Variants in PKHD1 observed in about 807,000 individuals in gnomAD.
PKHD1 encodes fibrocystin.
PKHD1 carries 291 observed loss-of-function variants against 412.0 expected under a neutral mutation model. That is an observed-to-expected ratio of 0.71 (90% CI 0.64 to 0.78). The LOEUF is 0.78. PKHD1 is among the 30% of genes least tolerant of loss of function. PKHD1 has a pLI of 0.00. For missense variants in PKHD1, 4,825 were observed against 4,950.7 expected, an observed-to-expected ratio of 0.97 and a Z score of 0.76; for synonymous variants, 1,777 against 1,821.5, an observed-to-expected ratio of 0.98 and a Z score of 0.62.
intron 35 of PKHD1, among the ~76,000 whole-genome samples, chr6:51,989,462 G>A (rs918092554): frequency 6.6e-6 from 1 of 152,150 alleles, no homozygotes; most frequent in African/African-American, 2.4e-5. Context: ...ATGCATGCAG[G>A]CACACCTGCA....
chr6:51,720,927 G>A, intron 60 of PKHD1: 3 of 942,744 alleles, frequency 3.2e-6, no homozygotes, highest in Non-Finnish European at 2.5e-6. Context: ...GAAGAAATGA[G>A]TTAATAAATG....
intron 35 of PKHD1, among the ~76,000 whole-genome samples, chr6:51,964,368 T>G (rs575974349): frequency 5.9e-5 from 9 of 152,220 alleles, no homozygotes; most frequent in Non-Finnish European, 8.8e-5. Context: ...AAGAAATAAC[T>G]GTTCTGACAC....
Position 51,909,149 on chromosome 6 carries a change from A to C in PKHD1, c.6682+134T>G, listed in dbSNP as rs139894957. 1.2e-3 allele frequency: 882 copies of C among 761,264 alleles called. 5 individuals are homozygous for C. Among genetic ancestry groups the C allele is most frequent in the Middle Eastern group, 7.2e-4 (2 of 2,772 alleles). 47.2% of individuals were successfully genotyped at this position (761,264 alleles called of 1,614,324 possible). On this transcript the variant is annotated intron_variant, in intron 40 of 66. Coordinates refer to ENST00000371117, the MANE Select transcript of PKHD1 (RefSeq NM_138694.4). ...AGGCATACTGAAGTTTGGGAACCAT[A>C]GACCTAGAATATAACAATTATCCAT... is the stretch of plus-strand genomic sequence containing the variant.
At chr6:51,635,787 G>A (rs904047818) in intron 64 of PKHD1, among the ~76,000 whole-genome samples, 1 of 142,016 alleles carries the variant, frequency 7.0e-6, no homozygotes, top group African/African-American at 2.6e-5. Context: ...TTTCTGGGGG[G>A]AGAATATTCC....
chr6:51,947,561 G>A (rs1269374520), intron 36 of PKHD1, among the ~76,000 whole-genome samples: 1 of 152,090 alleles, frequency 6.6e-6, no homozygotes, highest in Non-Finnish European at 1.5e-5. Context: ...TTCTAATTAA[G>A]TAGGTTGGGT....
Position 52,052,522 on chromosome 6 carries a change from G to C in PKHD1, c.2140+554C>G, listed in dbSNP as rs111530229. On this transcript the variant is annotated intron_variant, in intron 21 of 66. Coordinates refer to ENST00000371117, the MANE Select transcript of PKHD1 (RefSeq NM_138694.4). ...AGATGATTACCTTCTAACTCTCACT[G>C]CGTCTGTCTTGAAGGTTGTAAATCA... Among the ~76,000 whole-genome samples the C allele has an allele frequency of 3.0e-3, 463 of 152,286 alleles. 2 individuals are homozygous for C. The highest frequency in any genetic ancestry group is 0.011 in the African/African-American group (445 of 41,560).
intron 35 of PKHD1, among the ~76,000 whole-genome samples, chr6:51,979,916 G>C (rs535985833): frequency 1.3e-5 from 2 of 152,164 alleles, no homozygotes; most frequent in African/African-American, 4.8e-5. Context: ...GATCTTCTTG[G>C]ACCCTGGAGA....
At position 52,055,675 on chromosome 6, in the gene PKHD1, C is replaced by T. The variant is rs369292828; in HGVS notation, c.1748G>A (p.Cys583Tyr). The change falls in exon 19 of 67, where the codon TGT becomes TAT. Residue 583 changes from cysteine to tyrosine, a missense_variant. Cys to Tyr is a radical substitution (Grantham distance 194). Transcript: ENST00000371117. ...GDLTSGTEPF[C>Y]GRFSLRQPRH... ...AGGCTGACGGAGGCTGAACCTGCCA[C>T]AGAAGGGCTCCGTCCCACTGGTGAG... 14 of 1,613,788 alleles carry T rather than the reference C, an allele frequency of 8.7e-6. No homozygotes were observed. The highest frequency in any genetic ancestry group is 3.3e-5 in the Admixed American group (2 of 59,992).
At chr6:51,876,950 C>G (rs1266621388) in intron 46 of PKHD1, among the ~76,000 whole-genome samples, 1 of 11,240 alleles carries the variant, frequency 8.9e-5, no homozygotes, top group African/African-American at 7.6e-4. Flanking sequence ...CAAAAAAAGG[C>G]AGGGGTTGCA....
chr6:51,788,701 C>T (rs527427272), intron 53 of PKHD1, among the ~76,000 whole-genome samples: 3 of 150,432 alleles, frequency 2.0e-5, no homozygotes, highest in South Asian at 4.2e-4. Context: ...GCTTTATGAG[C>T]CCTAGGGTAT....
At chr6:52,073,405 C>T (rs750842657) in intron 7 of PKHD1, 58 bp downstream of exon 7, 15 of 1,054,576 alleles carry the variant, frequency 1.4e-5, no homozygotes, top group Non-Finnish European at 1.9e-5. Flanking sequence ...AAGCTGGTCC[C>T]AGGAAGCCAT....
intron 51 of PKHD1, among the ~76,000 whole-genome samples, chr6:51,834,426 G>C (rs926329957): frequency 6.6e-6 from 1 of 151,772 alleles, no homozygotes; most frequent in African/African-American, 2.4e-5. Context: ...ACTTAGTACG[G>C]GTACATATTA....
At chr6:51,806,776 G>A (rs1037577589) in intron 52 of PKHD1, among the ~76,000 whole-genome samples, 16 of 152,092 alleles carry the variant, frequency 1.1e-4, no homozygotes, top group African/African-American at 3.6e-4. Flanking sequence ...GTCATATAGA[G>A]AGGGAAAGAC....
chr6:51,814,244 A>G (rs1487586265), intron 52 of PKHD1, among the ~76,000 whole-genome samples: 1 of 152,168 alleles, frequency 6.6e-6, no homozygotes, highest in Non-Finnish European at 1.5e-5. Context: ...ATTAAATACC[A>G]GGTACATACA....
chr6:51,943,706 TTTTTC>T (rs1036925665), intron 36 of PKHD1, among the ~76,000 whole-genome samples: 11 of 151,554 alleles, frequency 7.3e-5, no homozygotes, highest in African/African-American at 2.7e-4. Flanking sequence ...ATTCCATTCT[TTTTTC>T]AATTCATACA....
intron 47 of PKHD1, among the ~76,000 whole-genome samples, chr6:51,868,969 C>T (rs188663658): frequency 5.9e-4 from 90 of 152,002 alleles, no homozygotes; most frequent in Middle Eastern, 6.8e-3. Context: ...TCTCCCAGTA[C>T]ACATACTACC....
chr6:51,833,753 GA>G (rs1768687004), intron 51 of PKHD1, among the ~76,000 whole-genome samples: 1 of 152,140 alleles, frequency 6.6e-6, no homozygotes, highest in South Asian at 2.1e-4. Context: ...TATTACAGTG[GA>G]TTGAGGAATG....
At chr6:52,028,803 T>C (rs1014381030) in intron 29 of PKHD1, among the ~76,000 whole-genome samples, 6 of 152,220 alleles carry the variant, frequency 3.9e-5, no homozygotes, top group African/African-American at 1.2e-4. Flanking sequence ...TAAGCCACCT[T>C]GCCTGGCTTA....
rs1344148606 is a variant in PKHD1, at chr6:52,054,035, T to C, written c.1964+3A>G. The C allele has an allele frequency of 1.2e-6, 2 of 1,613,858 alleles. No homozygotes were observed. Among genetic ancestry groups the C allele is most frequent in the Non-Finnish European group, 8.5e-7 (1 of 1,179,810 alleles). ...CCACCACGCCTCCCCACCGATTAGC[T>C]ACCTCTCGGGGCTGGTCCTCGTGAG... On this transcript the variant is annotated splice_donor_region_variant and intron_variant, in intron 20 of 66. Coordinates refer to ENST00000371117, the MANE Select transcript of PKHD1 (RefSeq NM_138694.4).
Sources: gnomAD v4.1 joint callset for allele counts (sites outside exome capture counted in the v4.1 genomes callset) on GRCh38, gnomAD v4.1.1 for gene constraint, MANE v1.5 for transcripts, NCBI Gene and HGNC (gene_info 2026-07-23, HGNC 2026-07-21) for gene names.